MAGI2: variants seen among roughly 807,000 people sequenced by gnomAD.
The protein encoded by MAGI2 is membrane-associated guanylate kinase, WW and PDZ domain-containing protein 2.
MAGI2 carries 35 observed loss-of-function variants against 133.3 expected under a neutral mutation model. The observed-to-expected ratio is 0.26, with a 90% confidence interval of 0.20 to 0.35. The LOEUF is 0.35. Among genes scored for constraint, MAGI2 ranks in the 10% least tolerant of loss-of-function variants. The pLI is 1.00. For synonymous variants in MAGI2, 729 were observed against 710.6 expected, an observed-to-expected ratio of 1.03 and a Z score of -0.41; for missense variants, 1,636 against 1,863.4, an observed-to-expected ratio of 0.88 and a Z score of 2.25.
At chr7:79,300,292 T>A (rs1294472009) in intron 1 of MAGI2, among the ~76,000 whole-genome samples, 1 of 152,140 alleles carries the variant, frequency 6.6e-6, no homozygotes. Context: ...CTGATAGTGA[T>A]ATGGACAGTG....
chr7:78,697,598 T>A (rs1817649369), intron 2 of MAGI2, among the ~76,000 whole-genome samples: 1 of 152,156 alleles, frequency 6.6e-6, no homozygotes, highest in Non-Finnish European at 1.5e-5. Context: ...TGACACATAA[T>A]AGCAATACAA....
At chr7:79,168,895 T>TATAG (rs1825225923) in intron 1 of MAGI2, among the ~76,000 whole-genome samples, 2 of 8,008 alleles carry the variant, frequency 2.5e-4, no homozygotes, top group Admixed American at 2.3e-3. Flanking sequence ...GATAGATATA[T>TATAG]ATATATATAT....
At chr7:79,101,151 A>G (rs1022987163) in intron 1 of MAGI2, among the ~76,000 whole-genome samples, 1 of 152,124 alleles carries the variant, frequency 6.6e-6, no homozygotes, top group Non-Finnish European at 1.5e-5. Flanking sequence ...AATTTAGAAA[A>G]TGAATATAAG....
At chr7:78,760,667 G>A (rs1284966464) in intron 2 of MAGI2, among the ~76,000 whole-genome samples, 2 of 152,142 alleles carry the variant, frequency 1.3e-5, no homozygotes, top group Non-Finnish European at 2.9e-5. Context: ...ATTAGAAGAA[G>A]AAAGAGATTA....
At chr7:79,423,861 C>A (rs1847150126) in intron 1 of MAGI2, among the ~76,000 whole-genome samples, 1 of 152,042 alleles carries the variant, frequency 6.6e-6, no homozygotes, top group Non-Finnish European at 1.5e-5. Context: ...ACAACTAATG[C>A]ATATTATTAT....
At chr7:79,004,498 A>G (rs1190158216) in intron 2 of MAGI2, among the ~76,000 whole-genome samples, 1 of 152,208 alleles carries the variant, frequency 6.6e-6, no homozygotes, top group Non-Finnish European at 1.5e-5. Context: ...GGGTACAAAT[A>G]TACAGTTAGA....
chr7:78,514,914 G>A (rs867198907), intron 4 of MAGI2, among the ~76,000 whole-genome samples: 42 of 152,170 alleles, frequency 2.8e-4, no homozygotes, highest in Middle Eastern at 3.2e-3. Flanking sequence ...AGGCTTGGGG[G>A]CCTGGAGAAG....
chr7:78,689,614 G>T (rs536954626), intron 2 of MAGI2, among the ~76,000 whole-genome samples: 1 of 147,806 alleles, frequency 6.8e-6, no homozygotes, highest in African/African-American at 2.5e-5. Flanking sequence ...TGTCACTATA[G>T]ATTAGTTTTG....
At chr7:79,451,751 T>C (rs1220790838) in intron 1 of MAGI2, among the ~76,000 whole-genome samples, 1 of 152,190 alleles carries the variant, frequency 6.6e-6, no homozygotes, top group Non-Finnish European at 1.5e-5. Context: ...GGTAATGACA[T>C]GCTCAATTCC....
chr7:79,428,731 A>C (rs1847569968), intron 1 of MAGI2, among the ~76,000 whole-genome samples: 1 of 152,174 alleles, frequency 6.6e-6, no homozygotes, highest in Non-Finnish European at 1.5e-5. Context: ...GGCAACTATA[A>C]ATACATCTAT....
At chr7:78,264,084 G>A (rs1020004774) in intron 9 of MAGI2, among the ~76,000 whole-genome samples, 2 of 152,014 alleles carry the variant, frequency 1.3e-5, no homozygotes, top group Non-Finnish European at 2.9e-5. Flanking sequence ...TCCTGATAGC[G>A]TGATTCTTCA....
chr7:78,350,925 T>C (rs17347170), intron 7 of MAGI2, among the ~76,000 whole-genome samples: 6,645 of 152,304 alleles, frequency 0.044, 200 homozygotes, highest in South Asian at 0.072. Context: ...CAGGCTCTTT[T>C]AGTGCATAGT....
intron 2 of MAGI2, among the ~76,000 whole-genome samples, chr7:78,835,875 T>C (rs532096451): frequency 6.6e-6 from 1 of 152,338 alleles, no homozygotes; most frequent in Admixed American, 6.5e-5. Flanking sequence ...TTTCTCTCTT[T>C]CTTAGAGACA....
At chr7:78,397,396 CA>C (rs1796452157) in intron 6 of MAGI2, among the ~76,000 whole-genome samples, 5 of 150,982 alleles carry the variant, frequency 3.3e-5, no homozygotes, top group South Asian at 2.1e-4. Context: ...CACACACACA[CA>C]CCCCTTGTCT....
intron 2 of MAGI2, among the ~76,000 whole-genome samples, chr7:78,815,512 T>A (rs949992603): frequency 6.6e-6 from 1 of 152,202 alleles, no homozygotes; most frequent in African/African-American, 2.4e-5. Flanking sequence ...ATTGTACTTT[T>A]TTTTTTACCC....
chr7:78,861,942 GT>G (rs1254523517), intron 2 of MAGI2, among the ~76,000 whole-genome samples: 3 of 152,156 alleles, frequency 2.0e-5, no homozygotes, highest in Non-Finnish European at 4.4e-5. Flanking sequence ...GTGTGGAGCT[GT>G]TCTTACTGAC....
chr7:78,854,630 T>G (rs1793465632), intron 2 of MAGI2, among the ~76,000 whole-genome samples: 1 of 151,968 alleles, frequency 6.6e-6, no homozygotes, highest in Non-Finnish European at 1.5e-5. Flanking sequence ...CAGGCTAGGT[T>G]GGTTTCTTCT....
At chr7:78,171,244 A>G (rs1001649526) in intron 14 of MAGI2, among the ~76,000 whole-genome samples, 21 of 152,212 alleles carry the variant, frequency 1.4e-4, no homozygotes, top group African/African-American at 4.8e-4. Context: ...TGGATAATCT[A>G]TGATTGTATC....
chr7:78,692,953 T>C (rs1217111213), intron 2 of MAGI2, among the ~76,000 whole-genome samples: 1 of 152,168 alleles, frequency 6.6e-6, no homozygotes. Context: ...AGTCTTATAT[T>C]GGAAACATCT....
Sources: allele counts gnomAD v4.1 joint callset (sites outside exome capture counted in the v4.1 genomes callset), GRCh38; gene constraint gnomAD v4.1.1; transcripts MANE v1.5; gene names NCBI Gene and HGNC (gene_info 2026-07-23, HGNC 2026-07-21).